Variants in ABCC9 observed in about 807,000 individuals in gnomAD.
The protein encoded by ABCC9 is ATP-binding cassette sub-family C member 9.
In ABCC9, 95 loss-of-function variants were observed where a neutral mutation model predicts 188.3. The observed-to-expected ratio is 0.50, with a 90% confidence interval of 0.43 to 0.60. The LOEUF is 0.60. ABCC9 is among the 20% of genes least tolerant of loss of function. ABCC9 has a pLI of 0.00. For missense variants in ABCC9, 1,102 were observed against 1,876.3 expected (o/e 0.59, Z 7.62); for synonymous variants, 659 against 652.7 (o/e 1.01, Z -0.15).
chr12:21,861,091 A>G (rs1340461608), intron 20 of ABCC9, 36 bp from the exon 21 acceptor site: 6 of 1,518,566 alleles, frequency 4.0e-6, no homozygotes, highest in East Asian at 2.3e-5. Flanking sequence ...TTAGATCTCA[A>G]TTAATACATT....
At chr12:21,933,237 A>G (rs968836776) in intron 4 of ABCC9, among the ~76,000 whole-genome samples, 21 of 151,854 alleles carry the variant, frequency 1.4e-4, no homozygotes, top group African/African-American at 4.3e-4. Flanking sequence ...GGTGGAGGGT[A>G]GGAGGAGGGA....
rs754918275 is a variant in ABCC9, at chr12:21,917,043, C to T, written c.467G>A (p.Cys156Tyr). 4.3e-6 allele frequency: 7 copies of T among 1,613,850 alleles called. No homozygotes were observed. Among genetic ancestry groups the T allele is most frequent in the Non-Finnish European group, 5.9e-6 (7 of 1,179,826 alleles). The change falls in exon 6 of 40, where the codon TGT becomes TAT. Residue 156 changes from cysteine (C) to tyrosine (Y), a missense_variant. Cys to Tyr is a radical substitution (Grantham distance 194). Transcript: ENST00000261200. The stretch of plus-strand genomic sequence containing the variant: ...GTTTGATATGTCCAAGCCAGACTGA[C>T]AGTACTTAACCAATTTTATTGTTTT... ...ITKTIKLVKY[C>Y]QSGLDISNLR...
At position 21,926,085 on chromosome 12, in the gene ABCC9, C is replaced by T. The variant is rs145844941; in HGVS notation, c.285-22G>A. On this transcript the variant is annotated intron_variant, in intron 4 of 39. Transcript: ENST00000261200. ...CCGCCTAGAAAGAGCAGTACGTCAA[C>T]GCCTAAAGCTGATGGTTCCAGATAA... is the stretch of plus-strand genomic sequence containing the variant. The T allele has an allele frequency of 2.8e-4, 448 of 1,613,870 alleles. 5 individuals are homozygous for T. The East Asian group carries it at 8.7e-3, about 31-fold the overall frequency.
intron 29 of ABCC9, among the ~76,000 whole-genome samples, chr12:21,838,633 G>C (rs1944225893): frequency 6.6e-6 from 1 of 152,132 alleles, no homozygotes; most frequent in African/African-American, 2.4e-5. Flanking sequence ...AGTCCTTTAG[G>C]GCTGTTGTAG....
At chr12:21,892,021 A>T (rs1034610059) in intron 14 of ABCC9, among the ~76,000 whole-genome samples, 3 of 152,198 alleles carry the variant, frequency 2.0e-5, no homozygotes, top group Non-Finnish European at 4.4e-5. Context: ...CAACCACTGA[A>T]ACTCATTTGA....
chr12:21,879,101 T>C (rs1247968399), intron 16 of ABCC9, among the ~76,000 whole-genome samples: 1 of 152,214 alleles, frequency 6.6e-6, no homozygotes, highest in Non-Finnish European at 1.5e-5. Flanking sequence ...CGACACATTC[T>C]ACAAGATACA....
intron 4 of ABCC9, among the ~76,000 whole-genome samples, chr12:21,928,358 AAG>A (rs1222504337): frequency 6.7e-6 from 1 of 148,686 alleles, no homozygotes; most frequent in African/African-American, 2.5e-5. Flanking sequence ...AAGAGAAAGA[AAG>A]AAAGAAAAAG....
At chr12:21,939,661 G>A (rs921255940) in intron 2 of ABCC9, among the ~76,000 whole-genome samples, 2 of 152,152 alleles carry the variant, frequency 1.3e-5, no homozygotes, top group South Asian at 2.1e-4. Flanking sequence ...AGAGAGAAGG[G>A]AGAGCAGATG....
chr12:21,854,815 T>C (rs912127482), intron 22 of ABCC9, among the ~76,000 whole-genome samples: 1 of 152,202 alleles, frequency 6.6e-6, no homozygotes, highest in African/African-American at 2.4e-5. Flanking sequence ...ATAGAAGTTA[T>C]AATGTAACTT....
rs1946141017 is a variant in ABCC9 at position 21,872,671 on chromosome 12, T to C, written c.2152A>G (p.Ile718Val). Residue 718 changes from isoleucine (I) to valine (V), a missense_variant, in exon 18 of 40, where the codon ATC becomes GTC. Ile to Val is a conservative substitution (Grantham distance 29, BLOSUM62 3). Transcript: ENST00000261200. ...GCGKSSLLLA[I>V]LGEMQTLEGK... ...TCCAATGTCTGCATCTCACCGAGGA[T>C]GGCAAGGAGAAGAGAGGACTTCCCA... The C allele has an allele frequency of 1.2e-6, 2 of 1,613,754 alleles. No individual in the cohort carries two copies. The highest frequency in any genetic ancestry group is 1.7e-5 in the Admixed American group (1 of 59,992).
At chr12:21,916,455 T>C (rs1485870134) in intron 6 of ABCC9, among the ~76,000 whole-genome samples, 1 of 152,184 alleles carries the variant, frequency 6.6e-6, no homozygotes, top group African/African-American at 2.4e-5. Context: ...ACAATCAATA[T>C]GCAATTACAA....
chr12:21,884,111 C>A (rs1023097215), intron 15 of ABCC9, among the ~76,000 whole-genome samples: 1 of 151,444 alleles, frequency 6.6e-6, no homozygotes, highest in African/African-American at 2.4e-5. Context: ...TCACTCTGTC[C>A]CCCAGGCTGG....
intron 16 of ABCC9, among the ~76,000 whole-genome samples, chr12:21,881,329 T>C (rs1401687317): frequency 6.6e-6 from 1 of 152,126 alleles, no homozygotes; most frequent in Admixed American, 6.5e-5. Context: ...AAATAAAAAA[T>C]TAATTTGGGC....
In ABCC9 at chr12:21,900,658, C is replaced by A. The variant is rs151156818; in HGVS notation, c.1619-5343G>T. Among the ~76,000 whole-genome samples the A allele has an allele frequency of 2.7e-3, 413 of 152,180 alleles. 1 individual carries two copies. Among genetic ancestry groups the A allele is most frequent in the African/African-American group, 9.6e-3 (398 of 41,518 alleles). ...AAACCATGGCACCAGAACTACATGA[C>A]GCATGCACAAGCTTCAGTAGCTGAT... is the stretch of plus-strand genomic sequence containing the variant. On this transcript the variant is annotated intron_variant, in intron 12 of 39. Transcript: ENST00000261200.
chr12:21,840,654 C>T (rs1344946448), intron 29 of ABCC9, among the ~76,000 whole-genome samples: 1 of 152,144 alleles, frequency 6.6e-6, no homozygotes, highest in Non-Finnish European at 1.5e-5. Context: ...AACATCTTTG[C>T]CCCACCAGCA....
chr12:21,824,405 G>C (rs186388171), intron 31 of ABCC9, among the ~76,000 whole-genome samples: 93 of 152,284 alleles, frequency 6.1e-4, no homozygotes, highest in African/African-American at 2.2e-3. Context: ...GTATTTTATG[G>C]AGGATTTTTG....
At chr12:21,815,982 C>T in intron 33 of ABCC9, 89 bp from the exon 34 acceptor site, 1 of 683,232 alleles carries the variant, frequency 1.5e-6, no homozygotes, top group Non-Finnish European at 2.0e-6. Context: ...TACATTTATA[C>T]ATATATATAT....
chr12:21,864,188 T>C (rs1430889508), intron 19 of ABCC9, among the ~76,000 whole-genome samples: 1 of 152,144 alleles, frequency 6.6e-6, no homozygotes, highest in African/African-American at 2.4e-5. Context: ...GAGGATAGTT[T>C]GAGTTTCAGC....
intron 12 of ABCC9, among the ~76,000 whole-genome samples, chr12:21,900,831 G>T (rs1171011794): frequency 1.3e-5 from 2 of 152,144 alleles, no homozygotes; most frequent in African/African-American, 4.8e-5. Context: ...CGTCTGATTG[G>T]GGTACCTGAA....
Sources: allele counts gnomAD v4.1 joint callset (sites outside exome capture counted in the v4.1 genomes callset), GRCh38; gene constraint gnomAD v4.1.1; transcripts MANE v1.5; gene names NCBI Gene and HGNC (gene_info 2026-07-23, HGNC 2026-07-21).